The following RPS6KA6 variants were observed in gnomAD, a reference collection of about 807,000 sequenced individuals.
RPS6KA6 encodes ribosomal protein S6 kinase A6, also known as ribosomal protein S6 kinase alpha-6.
RPS6KA6 carries 27 observed loss-of-function variants against 65.4 expected under a neutral mutation model. The observed-to-expected ratio is 0.41, with a 90% CI of 0.30 to 0.57. RPS6KA6 has a LOEUF of 0.57. Ranked by LOEUF, RPS6KA6 falls within the 20% of genes least tolerant of loss-of-function variation. The pLI is 0.24. For missense variants in RPS6KA6, 486 were observed against 555.6 expected, an observed-to-expected ratio of 0.87 and a Z score of 1.26; for synonymous variants, 190 against 184.2, an observed-to-expected ratio of 1.03 and a Z score of -0.26.
intron 5 of RPS6KA6, 146 bp from the exon 6 acceptor site, chrX:84,145,703 T>C (rs1477084859): frequency 1.1e-5 from 4 of 362,365 alleles, no homozygotes; most frequent in Non-Finnish European, 1.9e-5. Context: ...AAACCCAGTG[T>C]TTAATCCAGT....
intron 20 of RPS6KA6, among the ~76,000 whole-genome samples, chrX:84,077,688 G>T (rs1284764214): frequency 1.8e-5 from 2 of 111,763 alleles, no homozygotes; most frequent in Non-Finnish European, 3.8e-5. Context: ...CAGATGCTCT[G>T]ATTTATTAAG....
chrX:84,131,640 C>T (rs757327071), intron 8 of RPS6KA6, among the ~76,000 whole-genome samples: 16 of 111,561 alleles, frequency 1.4e-4, no homozygotes, highest in South Asian at 3.7e-4. Context: ...GTTCCTTTGC[C>T]GTACTATTTC....
intron 17 of RPS6KA6, among the ~76,000 whole-genome samples, chrX:84,104,014 G>A (rs1299795707): frequency 1.8e-5 from 2 of 109,939 alleles, no homozygotes; most frequent in Non-Finnish European, 3.8e-5. Flanking sequence ...TTTATGAAAG[G>A]ACAGGAAGCA....
At chrX:84,072,496 G>A (rs1319814420) in intron 20 of RPS6KA6, among the ~76,000 whole-genome samples, 2 of 111,568 alleles carry the variant, frequency 1.8e-5, no homozygotes, top group African/African-American at 3.3e-5. Context: ...TATGGAATAA[G>A]ACAAATATGT....
chrX:84,091,503 A>T (rs1429614954), intron 20 of RPS6KA6, among the ~76,000 whole-genome samples: 1 of 112,472 alleles, frequency 8.9e-6, no homozygotes, highest in Non-Finnish European at 1.9e-5. Flanking sequence ...CATGCCAAAT[A>T]GTAATGGGAA....
In RPS6KA6 at chrX:84,103,700, A is replaced by G. The variant is rs747619840; in HGVS notation, c.1614+799T>C. The stretch of plus-strand genomic sequence containing the variant: ...TATTTTAGAGAGGGTTGGTAAAGAC[A>G]ATCAAATAATTAAATTATAAAAAGC... On this transcript the variant is annotated intron_variant, in intron 17 of 21. Transcript: ENST00000262752. Among the ~76,000 whole-genome samples, 33 of 111,154 alleles carry G rather than the reference A, an allele frequency of 3.0e-4. 1 individual carries two copies. Among genetic ancestry groups the G allele is most frequent in the Non-Finnish European group, 1.5e-4 (8 of 52,719 alleles).
At chrX:84,083,433 C>A (rs1194089821) in intron 20 of RPS6KA6, among the ~76,000 whole-genome samples, 1 of 112,203 alleles carries the variant, frequency 8.9e-6, no homozygotes, top group African/African-American at 3.2e-5. Context: ...CGACATGTGT[C>A]CATGGGTTCT....
At chrX:84,084,796 G>A (rs1159243239) in intron 20 of RPS6KA6, among the ~76,000 whole-genome samples, 1 of 111,929 alleles carries the variant, frequency 8.9e-6, no homozygotes. Flanking sequence ...AAATTGCTTT[G>A]GTCAGTATGG....
intron 8 of RPS6KA6, among the ~76,000 whole-genome samples, chrX:84,127,916 A>T (rs1205446733): frequency 2.7e-5 from 3 of 111,668 alleles, no homozygotes; most frequent in Non-Finnish European, 5.7e-5. Flanking sequence ...CTGGAACACA[A>T]TGAGGATGCC....
At chrX:84,185,501 C>A (rs1013734899) in intron 1 of RPS6KA6, among the ~76,000 whole-genome samples, 2 of 111,636 alleles carry the variant, frequency 1.8e-5, no homozygotes, top group Non-Finnish European at 1.9e-5. Flanking sequence ...TGTTAAGAGT[C>A]TCAAACAACC....
Position 84,062,406 on chromosome X carries a change from T to C in RPS6KA6, c.*1871A>G, listed in dbSNP as rs965836760. 1.8e-5 allele frequency: 2 copies of C among 111,048 alleles called. No individual in the cohort carries two copies. Among genetic ancestry groups the C allele is most frequent in the African/African-American group, 6.5e-5 (2 of 30,554 alleles). The allele number at this position is 111,048 out of a possible 1,213,427, so 9.2% of individuals were successfully genotyped here. A position where few individuals can be genotyped will look rare whatever the true frequency, so the allele number is the denominator to read the frequency against. On this transcript the variant is annotated 3_prime_UTR_variant, in exon 22 of 22. Coordinates refer to ENST00000262752, the MANE Select transcript of RPS6KA6 (RefSeq NM_014496.5). ...ACTTATCGATTCTGATAGGAAGGCATAACAGCACTAGATAATGACAGAAGG... is the reference window on the plus strand; with the variant it reads ...ACTTATCGATTCTGATAGGAAGGCACAACAGCACTAGATAATGACAGAAGG...
intron 1 of RPS6KA6, among the ~76,000 whole-genome samples, chrX:84,174,804 T>G: frequency 9.0e-6 from 1 of 111,509 alleles, no homozygotes; most frequent in Middle Eastern, 4.6e-3. Flanking sequence ...AGGAAAGGGA[T>G]CTCATCATAT....
chrX:84,149,971 A>G (rs1042714249), intron 3 of RPS6KA6, among the ~76,000 whole-genome samples: 1 of 112,308 alleles, frequency 8.9e-6, no homozygotes, highest in African/African-American at 3.2e-5. Flanking sequence ...TGCTTAGTGT[A>G]ACCACCTTCA....
At chrX:84,071,228 T>C (rs1228268128) in intron 20 of RPS6KA6, among the ~76,000 whole-genome samples, 1 of 111,385 alleles carries the variant, frequency 9.0e-6, no homozygotes, top group Non-Finnish European at 1.9e-5. Flanking sequence ...AAGGTCTCAC[T>C]AAATTATCTA....
intron 20 of RPS6KA6, among the ~76,000 whole-genome samples, chrX:84,072,644 G>A (rs1447032336): frequency 4.5e-5 from 5 of 111,913 alleles, no homozygotes; most frequent in Non-Finnish European, 9.4e-5. Flanking sequence ...CTTATTTATA[G>A]AAAACACTAA....
At chrX:84,123,751 G>A (rs2034722665) in intron 8 of RPS6KA6, among the ~76,000 whole-genome samples, 1 of 112,173 alleles carries the variant, frequency 8.9e-6, no homozygotes. Flanking sequence ...CCTGCCCGGG[G>A]CCTGGGGGAA....
At chrX:84,075,738 T>C (rs996381846) in intron 20 of RPS6KA6, among the ~76,000 whole-genome samples, 1 of 109,152 alleles carries the variant, frequency 9.2e-6, no homozygotes, top group African/African-American at 3.3e-5. Flanking sequence ...GCAACATATT[T>C]AACATACTGA....
intron 12 of RPS6KA6, among the ~76,000 whole-genome samples, chrX:84,108,111 C>T (rs1166858224): frequency 3.6e-5 from 4 of 111,764 alleles, no homozygotes; most frequent in African/African-American, 9.7e-5. Context: ...AAAAAATATA[C>T]GTTAAATGTA....
At chrX:84,104,765 T>A in intron 16 of RPS6KA6, 108 bp from the exon 17 acceptor site, 1 of 495,091 alleles carries the variant, frequency 2.0e-6, no homozygotes, top group Non-Finnish European at 3.0e-6. Flanking sequence ...CCCTCTAGTA[T>A]TAGAAACAAA....
Sources: gnomAD v4.1 joint callset for allele counts (sites outside exome capture counted in the v4.1 genomes callset) on GRCh38, gnomAD v4.1.1 for gene constraint, MANE v1.5 for transcripts, NCBI Gene and HGNC (gene_info 2026-07-23, HGNC 2026-07-21) for gene names.